EXOC4: variants seen among roughly 807,000 people sequenced by gnomAD.
The protein encoded by EXOC4 is SEC8-like 1.
EXOC4 carries 71 observed loss-of-function variants against 107.2 expected under a neutral mutation model. That is an observed-to-expected ratio of 0.66 (90% CI 0.55 to 0.81). The LOEUF is 0.81. Among genes scored for constraint, EXOC4 ranks in the 30% least tolerant of loss-of-function variants. The pLI is 0.00. For missense variants in EXOC4, 1,108 were observed against 1,189.6 expected, an observed-to-expected ratio of 0.93 and a Z score of 1.01; for synonymous variants, 456 against 441.2, an observed-to-expected ratio of 1.03 and a Z score of -0.42.
intron 7 of EXOC4, among the ~76,000 whole-genome samples, chr7:133,449,825 C>G (rs764265344): frequency 6.6e-6 from 1 of 151,820 alleles, no homozygotes; most frequent in Non-Finnish European, 1.5e-5. Flanking sequence ...TCTATCATCT[C>G]TCCTCCAGCT....
chr7:133,275,268 C>A, intron 2 of EXOC4, 97 bp downstream of exon 2: 1 of 996,804 alleles, frequency 1.0e-6, no homozygotes, highest in Non-Finnish European at 1.4e-6. Context: ...TGGTCCTTAA[C>A]AAAGTGATTC....
At chr7:133,808,318 C>A (rs149258943) in intron 10 of EXOC4, among the ~76,000 whole-genome samples, 1 of 152,172 alleles carries the variant, frequency 6.6e-6, no homozygotes, top group South Asian at 2.1e-4. Context: ...AGTGCATTAA[C>A]CTTTATGGAT....
At chr7:133,824,042 A>C (rs891612373) in intron 11 of EXOC4, among the ~76,000 whole-genome samples, 12 of 148,150 alleles carry the variant, frequency 8.1e-5, no homozygotes, top group African/African-American at 3.0e-4. Flanking sequence ...AATCAGACAC[A>C]AATGGATTTA....
chr7:133,473,228 C>A (rs1232769757), intron 7 of EXOC4, among the ~76,000 whole-genome samples: 1 of 152,198 alleles, frequency 6.6e-6, no homozygotes, highest in Non-Finnish European at 1.5e-5. Context: ...ACTCAATATT[C>A]TCCCTGATCA....
At chr7:133,976,004 A>G (rs112803090) in intron 14 of EXOC4, among the ~76,000 whole-genome samples, 1 of 152,194 alleles carries the variant, frequency 6.6e-6, no homozygotes, top group African/African-American at 2.4e-5. Flanking sequence ...AAGAAGATGT[A>G]TTTTAAAAAT....
intron 10 of EXOC4, among the ~76,000 whole-genome samples, chr7:133,741,522 C>T (rs1416871047): frequency 6.6e-6 from 1 of 152,144 alleles, no homozygotes; most frequent in East Asian, 1.9e-4. Flanking sequence ...TAGGCAAAGA[C>T]CTTTCTAGAG....
intron 5 of EXOC4, among the ~76,000 whole-genome samples, chr7:133,333,962 T>A (rs1257987497): frequency 6.6e-6 from 1 of 152,244 alleles, no homozygotes; most frequent in Non-Finnish European, 1.5e-5. Flanking sequence ...ATTTGCATAT[T>A]AGAAGGCTTA....
At chr7:133,869,384 A>T (rs985595498) in intron 11 of EXOC4, among the ~76,000 whole-genome samples, 1 of 152,134 alleles carries the variant, frequency 6.6e-6, no homozygotes, top group Non-Finnish European at 1.5e-5. Context: ...TGGGCAAAGA[A>T]CTTAGCCTTT....
chr7:133,561,801 G>A (rs1228445842), intron 9 of EXOC4, among the ~76,000 whole-genome samples: 4 of 152,206 alleles, frequency 2.6e-5, no homozygotes, highest in African/African-American at 9.6e-5. Context: ...GTGAGTGTGG[G>A]TGCGTGCGCG....
chr7:133,370,815 A>G (rs1796358974), intron 6 of EXOC4, among the ~76,000 whole-genome samples: 1 of 152,214 alleles, frequency 6.6e-6, no homozygotes, highest in African/African-American at 2.4e-5. Flanking sequence ...TGTCTTTAGA[A>G]TTGTACCATT....
intron 4 of EXOC4, among the ~76,000 whole-genome samples, chr7:133,314,523 T>C (rs1052890486): frequency 2.6e-5 from 4 of 152,236 alleles, no homozygotes; most frequent in Non-Finnish European, 5.9e-5. Context: ...CAGCAGGTTA[T>C]ATTTTTCAGA....
chr7:133,943,705 C>T (rs998187971), intron 14 of EXOC4, among the ~76,000 whole-genome samples: 3 of 152,106 alleles, frequency 2.0e-5, no homozygotes, highest in Non-Finnish European at 2.9e-5. Flanking sequence ...ATATTATTGG[C>T]AAATTTGCAT....
At chr7:133,897,239 A>G (rs1480291205) in intron 12 of EXOC4, among the ~76,000 whole-genome samples, 1 of 146,490 alleles carries the variant, frequency 6.8e-6, no homozygotes, top group Non-Finnish European at 1.5e-5. Flanking sequence ...AGAATGATCC[A>G]CAGTTACATG....
At chr7:133,856,819 T>C (rs1163824114) in intron 11 of EXOC4, among the ~76,000 whole-genome samples, 1 of 151,676 alleles carries the variant, frequency 6.6e-6, no homozygotes, top group Non-Finnish European at 1.5e-5. Context: ...TTAAAAAATA[T>C]TACCTCCACT....
chr7:133,799,370 T>G (rs976036462), intron 10 of EXOC4, among the ~76,000 whole-genome samples: 1 of 152,214 alleles, frequency 6.6e-6, no homozygotes, highest in Admixed American at 6.5e-5. Context: ...CTCCCTGTCC[T>G]GCATACTGTG....
At chr7:133,517,646 C>T (rs1799902719) in intron 9 of EXOC4, among the ~76,000 whole-genome samples, 2 of 152,182 alleles carry the variant, frequency 1.3e-5, no homozygotes, top group South Asian at 4.2e-4. Flanking sequence ...TCTTGCGAGA[C>T]TTATTCACTA....
chr7:133,579,738 G>GTA (rs1301930681), intron 9 of EXOC4, among the ~76,000 whole-genome samples: 2 of 149,638 alleles, frequency 1.3e-5, no homozygotes, highest in Non-Finnish European at 3.0e-5. Flanking sequence ...CCAGGCTGGA[G>GTA]TACAGTGGCA....
intron 11 of EXOC4, among the ~76,000 whole-genome samples, chr7:133,857,187 TATATATATA>T (rs1798408789): frequency 3.0e-5 from 1 of 33,864 alleles, no homozygotes; most frequent in Non-Finnish European, 5.2e-5. Flanking sequence ...TATATATATA[TATATATATA>T]TATATTTTAC....
At chr7:133,527,318 C>T (rs972539731) in intron 9 of EXOC4, among the ~76,000 whole-genome samples, 2 of 151,982 alleles carry the variant, frequency 1.3e-5, no homozygotes, top group Non-Finnish European at 2.9e-5. Context: ...GCAGGAGAAT[C>T]GCATGAACCT....
Sources: allele counts gnomAD v4.1 joint callset (sites outside exome capture counted in the v4.1 genomes callset), GRCh38; gene constraint gnomAD v4.1.1; transcripts MANE v1.5; gene names NCBI Gene and HGNC (gene_info 2026-07-23, HGNC 2026-07-21).